The following PCDHGB3 variants were observed in gnomAD, a reference collection of about 807,000 sequenced individuals.
The protein encoded by PCDHGB3 is protocadherin gamma subfamily B, 3, also known as protocadherin gamma-B3.
Under a neutral mutation model 59.2 loss-of-function variants are expected in PCDHGB3, and 40 were observed. The observed-to-expected ratio is 0.68, with a 90% CI of 0.52 to 0.88. The LOEUF (loss-of-function observed/expected upper bound fraction) is 0.88. PCDHGB3 is among the 40% of genes least tolerant of loss of function. The pLI is 0.00. For missense variants in PCDHGB3, 1,309 were observed against 1,187.9 expected (o/e 1.10, Z -1.50); for synonymous variants, 581 against 503.6 (o/e 1.15, Z -2.06).
Position 141,486,316 on chromosome 5 carries a change from A to G in PCDHGB3, c.2416-8491A>G, listed in dbSNP as rs1251956899. The G allele has an allele frequency of 6.2e-7, 1 of 1,614,066 alleles. No individual in the cohort carries two copies. On this transcript the variant is annotated intron_variant, in intron 1 of 3. Transcript: ENST00000576222. This position sits in a 1 kb window ranked among gnomAD's most constrained non-coding sequence, Gnocchi z 5.0. ...GTGTGCAGGATCCAGACTCAGGGTC[A>G]AACGGAGATGTGAGCCTCCGCATTC...
At chr5:141,468,853 G>C (rs893773356) in intron 1 of PCDHGB3, among the ~76,000 whole-genome samples, 5 of 150,898 alleles carry the variant, frequency 3.3e-5, no homozygotes, top group Non-Finnish European at 7.4e-5. Flanking sequence ...GCAACAGAGC[G>C]AGACTCCATC....
chr5:141,485,177 C>T lies in PCDHGB3; in HGVS notation c.2416-9630C>T. ...AGAGAATTAGCGGGCGGCAGCAATG[C>T]TCCGCAAGGTGAGAAGCTGGACAGA... On this transcript the variant is annotated intron_variant, in intron 1 of 3. Coordinates refer to ENST00000576222, the MANE Select transcript of PCDHGB3 (RefSeq NM_018924.5). This position sits in a 1 kb window ranked among gnomAD's most constrained non-coding sequence, Gnocchi z 5.7. 1 of 1,612,024 alleles carries T rather than the reference C, an allele frequency of 6.2e-7. No homozygotes were observed. Among genetic ancestry groups the T allele is most frequent in the South Asian group, 1.1e-5 (1 of 90,956 alleles).
chr5:141,453,287 A>T (rs900058377), intron 1 of PCDHGB3, among the ~76,000 whole-genome samples: 1 of 151,368 alleles, frequency 6.6e-6, no homozygotes, highest in Non-Finnish European at 1.5e-5. Context: ...CTAATTTTTT[A>T]ATTATTTATT....
chr5:141,439,354 C>G (rs746525653), intron 1 of PCDHGB3, among the ~76,000 whole-genome samples: 7 of 152,186 alleles, frequency 4.6e-5, no homozygotes, highest in Admixed American at 4.6e-4. Context: ...TACAAATACT[C>G]AAACATCAAG....
rs995968509 is a variant in PCDHGB3, at chr5:141,477,065, C to T, written c.2416-17742C>T. ...TCGGCTGGACTTCGAGGACACCAAA[C>T]TCCATGAGATTTACATCCAGGCCAA... On this transcript the variant is annotated intron_variant, in intron 1 of 3. Coordinates refer to ENST00000576222, the MANE Select transcript of PCDHGB3 (RefSeq NM_018924.5). The surrounding 1 kb of genome is among the most constrained non-coding windows in gnomAD (Gnocchi z 4.9). 15 of 1,614,144 alleles carry T rather than the reference C, an allele frequency of 9.3e-6. No homozygotes were observed. The highest frequency in any genetic ancestry group is 3.3e-5 in the Admixed American group (2 of 60,018).
intron 1 of PCDHGB3, chr5:141,383,899 C>T (rs560928380): frequency 1.2e-6 from 2 of 1,613,958 alleles, no homozygotes; most frequent in African/African-American, 2.7e-5. Context: ...GGCAAAAGTA[C>T]TGATCACAGT....
In PCDHGB3 at chr5:141,431,370, A is replaced by G; in HGVS notation, c.2415+58561A>G. ...CTGAAACGCGCCCTGGACCGCGAAG[A>G]AAAGGCTGCTCACCACCTGGTCCTT... is the stretch of plus-strand genomic sequence containing the variant. On this transcript the variant is annotated intron_variant, in intron 1 of 3. Coordinates refer to ENST00000576222, the MANE Select transcript of PCDHGB3 (RefSeq NM_018924.5). The surrounding 1 kb of genome is among the most constrained non-coding windows in gnomAD (Gnocchi z 4.8). 1 of 1,613,946 alleles carries G rather than the reference A, an allele frequency of 6.2e-7. No homozygotes were observed. The highest frequency in any genetic ancestry group is 8.5e-7 in the Non-Finnish European group (1 of 1,180,014).
At chr5:141,473,002 GAA>G (rs2099311273) in intron 1 of PCDHGB3, among the ~76,000 whole-genome samples, 1 of 143,872 alleles carries the variant, frequency 7.0e-6, no homozygotes, top group East Asian at 2.0e-4. Flanking sequence ...AAAAAAGAAA[GAA>G]AAAGAAAAAG....
At position 141,487,946 on chromosome 5, in the gene PCDHGB3, C is replaced by G. The variant is rs187890859; in HGVS notation, c.2416-6861C>G. 7.9e-5 allele frequency among the ~76,000 whole-genome samples: 12 copies of G among 152,298 alleles called. No homozygotes were observed. The highest frequency in any genetic ancestry group is 7.8e-4 in the Admixed American group (12 of 15,304). Reference sequence around the variant, plus strand: ...AGTGCACAGGGTACAGTGCACCAGGCAGTCACTTGGACAAAGGTGGCTGTT... The same window carrying G: ...AGTGCACAGGGTACAGTGCACCAGGGAGTCACTTGGACAAAGGTGGCTGTT... On this transcript the variant is annotated intron_variant, in intron 1 of 3. Transcript: ENST00000576222. The surrounding 1 kb of genome is among the most constrained non-coding windows in gnomAD (Gnocchi z 5.0).
intron 2 of PCDHGB3, among the ~76,000 whole-genome samples, chr5:141,499,265 C>T (rs1220250999): frequency 6.6e-6 from 1 of 152,128 alleles, no homozygotes; most frequent in African/African-American, 2.4e-5. Context: ...CATTTGGTCC[C>T]TAGACTGTTC....
At chr5:141,423,354 C>A in intron 1 of PCDHGB3, 1 of 1,614,202 alleles carries the variant, frequency 6.2e-7, no homozygotes. Context: ...TGGTCTTTGT[C>A]ATCGTGCTGC....
chr5:141,446,775 T>C (rs1175892018), intron 1 of PCDHGB3, among the ~76,000 whole-genome samples: 2 of 152,188 alleles, frequency 1.3e-5, no homozygotes, highest in Admixed American at 6.5e-5. Context: ...CCGGTTACCA[T>C]TCTTTTACTC....
rs376515666 is a variant in PCDHGB3, at chr5:141,394,832, C to T, written c.2415+22023C>T. On this transcript the variant is annotated intron_variant, in intron 1 of 3. Coordinates refer to ENST00000576222, the MANE Select transcript of PCDHGB3 (RefSeq NM_018924.5). The stretch of plus-strand genomic sequence containing the variant: ...CTGACAGCATCCCCGAAGTCCTGAC[C>T]GAGTTGGGCAGTCTGAAGCCTTCGG... The T allele has an allele frequency of 1.5e-5, 24 of 1,613,710 alleles. No individual in the cohort carries two copies. In the East Asian group the frequency reaches 3.3e-4, roughly 22 times the overall value.
chr5:141,387,570 A>G, intron 1 of PCDHGB3: 1 of 455,170 alleles, frequency 2.2e-6, no homozygotes, highest in South Asian at 4.2e-5. Flanking sequence ...CACAATTATA[A>G]TTATTGCACT....
Position 141,477,311 on chromosome 5 carries a change from C to G in PCDHGB3, c.2416-17496C>G. 6.2e-7 allele frequency: 1 copy of G among 1,614,186 alleles called. No individual in the cohort carries two copies. The highest frequency in any genetic ancestry group is 8.5e-7 in the Non-Finnish European group (1 of 1,180,032). ...AGTTCCACCGGGTCTCCCTTTCAGC[C>G]TTACTTCTTCCCTCAAGAATTACTT... On this transcript the variant is annotated intron_variant, in intron 1 of 3. Coordinates refer to ENST00000576222, the MANE Select transcript of PCDHGB3 (RefSeq NM_018924.5). The surrounding 1 kb of genome is among the most constrained non-coding windows in gnomAD (Gnocchi z 4.9).
chr5:141,447,709 T>C (rs896203283), intron 1 of PCDHGB3, among the ~76,000 whole-genome samples: 1 of 152,210 alleles, frequency 6.6e-6, no homozygotes, highest in East Asian at 1.9e-4. Context: ...TATAAGGATG[T>C]ACACATTTTC....
Position 141,487,070 on chromosome 5 carries a change from C to A in PCDHGB3, c.2416-7737C>A, listed in dbSNP as rs1365482479. The A allele has an allele frequency of 6.2e-7, 1 of 1,614,036 alleles. No individual in the cohort carries two copies. The highest frequency in any genetic ancestry group is 8.5e-7 in the Non-Finnish European group (1 of 1,180,016). ...TGCTGGGGAGGTGCGGACGGCTGTT[C>A]CTATCCCAGCTGACCTCCCACCACA... is the stretch of plus-strand genomic sequence containing the variant. On this transcript the variant is annotated intron_variant, in intron 1 of 3. Coordinates refer to ENST00000576222, the MANE Select transcript of PCDHGB3 (RefSeq NM_018924.5). The surrounding 1 kb of genome is among the most constrained non-coding windows in gnomAD (Gnocchi z 5.0).
At chr5:141,392,608 AT>A in intron 1 of PCDHGB3, 1 of 519,670 alleles carries the variant, frequency 1.9e-6, no homozygotes, top group Non-Finnish European at 3.3e-6. Context: ...TGGAAGACAA[AT>A]GCAACCGAAA....
chr5:141,421,731 C>A (rs73792198), intron 1 of PCDHGB3: 144,261 of 1,613,668 alleles, frequency 0.089, 7,407 homozygotes, highest in African/African-American at 0.18. Flanking sequence ...TGAACTCCCT[C>A]CAGAGCTACC....
Sources: gnomAD v4.1 joint callset for allele counts (sites outside exome capture counted in the v4.1 genomes callset) on GRCh38, gnomAD v4.1.1 for gene constraint, Gnocchi (gnomAD v3.1) non-coding constraint, MANE v1.5 for transcripts, NCBI Gene and HGNC (gene_info 2026-07-23, HGNC 2026-07-21) for gene names.